ZNF566: variants seen among roughly 807,000 people sequenced by gnomAD.
ZNF566 encodes zinc finger protein 566.
ZNF566 carries 27 observed loss-of-function variants against 32.8 expected under a neutral mutation model. The ratio of observed to expected loss-of-function variants is 0.82; its 90% CI spans 0.61 to 1.14. The LOEUF is 1.14. Among genes scored for constraint, ZNF566 ranks in the 50% most tolerant of loss-of-function variants. The probability of loss-of-function intolerance (pLI) is 0.00; values close to 1 mark genes in which losing one functional copy is unlikely to be tolerated. For missense variants in ZNF566, 402 were observed against 490.4 expected, an observed-to-expected ratio of 0.82 and a Z score of 1.70; for synonymous variants, 154 against 159.5, an observed-to-expected ratio of 0.97 and a Z score of 0.26.
intron 4 of ZNF566, among the ~76,000 whole-genome samples, chr19:36,458,885 C>T (rs368425703): frequency 2.6e-5 from 4 of 152,254 alleles, no homozygotes; most frequent in South Asian, 2.1e-4. Flanking sequence ...AAAGTTTTCA[C>T]TCTTGTCGCC....
In ZNF566 at chr19:36,473,423, G is replaced by A. The variant is rs147273178; in HGVS notation, c.45C>T (p.Phe15=). 7.1e-5 allele frequency: 115 copies of A among 1,612,736 alleles called. No homozygotes were observed. Among genetic ancestry groups the A allele is most frequent in the Non-Finnish European group, 9.0e-5 (106 of 1,179,380 alleles). ...SVMFSDVSVD[F]SQEEWECLND... is the part of the protein sequence containing the mutation. ...TCAGGCATTCCCACTCCTCCTGAGA[G>A]AAGTCTACGGACACATCACTGAACA... is the stretch of plus-strand genomic sequence containing the variant. The change falls in exon 3 of 5, where the codon TTC becomes TTT. Residue 15 remains phenylalanine (F), a synonymous_variant. Transcript: ENST00000452939.
chr19:36,449,026 T>C lies in ZNF566; in HGVS notation c.1208A>G (p.Asn403Ser), dbSNP rs773999921. 15 of 1,606,220 alleles carry C rather than the reference T, an allele frequency of 9.3e-6. No homozygotes were observed. In the South Asian group the frequency reaches 1.6e-4, roughly 17 times the overall value. Residue 403 changes from asparagine to serine, a missense_variant, in exon 5 of 5, where the codon AAC becomes AGC. By Grantham distance (46) the Asn-to-Ser change is conservative. Coordinates refer to ENST00000452939, the MANE Select transcript of ZNF566 (RefSeq NM_001145344.1). Reference protein sequence around the residue: ...KPYEYRECGKNFNYDPQLIQH... With the variant: ...KPYEYRECGKSFNYDPQLIQH... ...AATAAGTTGTGGGTCATAATTAAAG[T>C]TCTTTCCACATTCCCTATATTCATA...
Position 36,460,239 on chromosome 19 carries a change from C to T in ZNF566, c.233-10238G>A, listed in dbSNP as rs143387302. 7.1e-3 allele frequency among the ~76,000 whole-genome samples: 1,075 copies of T among 152,002 alleles called. 13 individuals are homozygous for T. The highest frequency in any genetic ancestry group is 0.025 in the African/African-American group (1,018 of 41,436). On this transcript the variant is annotated intron_variant, in intron 4 of 4. Coordinates refer to ENST00000452939, the MANE Select transcript of ZNF566 (RefSeq NM_001145344.1). Reference sequence around the variant, plus strand: ...TTACATGGCAAAAGACAACAGACACCAAAATAAAGGTGACTCATGTTGGAA... The same window carrying T: ...TTACATGGCAAAAGACAACAGACACTAAAATAAAGGTGACTCATGTTGGAA...
At chr19:36,483,332 C>A (rs922377247) in intron 1 of ZNF566, among the ~76,000 whole-genome samples, 2 of 152,144 alleles carry the variant, frequency 1.3e-5, no homozygotes, top group Non-Finnish European at 2.9e-5. Context: ...TGACCAGAAC[C>A]AGAGCAAAGA....
chr19:36,475,131 G>C, intron 2 of ZNF566, among the ~76,000 whole-genome samples: 1 of 152,182 alleles, frequency 6.6e-6, no homozygotes, highest in Non-Finnish European at 1.5e-5. Flanking sequence ...CTGCAGCCAT[G>C]ACTTCCTGGG....
chr19:36,471,323 G>A (rs2145683133), intron 4 of ZNF566, among the ~76,000 whole-genome samples: 1 of 151,642 alleles, frequency 6.6e-6, no homozygotes, highest in East Asian at 2.0e-4. Flanking sequence ...CTGTATGGCA[G>A]ACAGTACATA....
intron 1 of ZNF566, among the ~76,000 whole-genome samples, chr19:36,485,448 T>TAAA (rs34950405): frequency 4.8e-5 from 5 of 104,482 alleles, no homozygotes; most frequent in African/African-American, 7.7e-5. Context: ...CCTTGTCTAT[T>TAAA]AAAAAAAAAA....
chr19:36,479,387 G>A (rs563860865), intron 1 of ZNF566, among the ~76,000 whole-genome samples: 1 of 152,114 alleles, frequency 6.6e-6, no homozygotes, highest in South Asian at 2.1e-4. Flanking sequence ...TAAACAACAT[G>A]GTCTCATATA....
rs1335491101 is a variant in ZNF566 at position 36,449,511 on chromosome 19, G to T, written c.723C>A (p.Asp241Glu). 1 of 1,614,042 alleles carries T rather than the reference G, an allele frequency of 6.2e-7. No individual in the cohort carries two copies. Among genetic ancestry groups the T allele is most frequent in the East Asian group, 2.2e-5 (1 of 44,860 alleles). The change falls in exon 5 of 5, where the codon GAC (aspartate) becomes GAA (glutamate). Residue 241 changes from aspartate to glutamate, a missense_variant. Around this residue, in one of 3 missense-constraint regions of ZNF566, gnomAD observed 135 missense variants for 210.0 expected, o/e 0.64. Coordinates refer to ENST00000452939, the MANE Select transcript of ZNF566 (RefSeq NM_001145344.1). ...ECGKTFICGS[D>E]LTRHHRIHTG... ...TGTGAATTCTGTGATGTCGAGTAAG[G>T]TCTGAGCCACAAATAAAGGTTTTTC... is the stretch of plus-strand genomic sequence containing the variant.
At position 36,449,033 on chromosome 19, in the gene ZNF566, C is replaced by T. The variant is rs777080138; in HGVS notation, c.1201G>A (p.Gly401Arg). ...TGTGGGTCATAATTAAAGTTCTTTC[C>T]ACATTCCCTATATTCATAGGGTTTC... Reference protein sequence around the residue: ...SEKPYEYRECGKNFNYDPQLI... With the variant: ...SEKPYEYRECRKNFNYDPQLI... The change falls in exon 5 of 5, where the codon GGA (glycine) becomes AGA (arginine). Residue 401 changes from glycine (G) to arginine (R), a missense_variant. Gly to Arg is a moderately radical substitution (Grantham distance 125). Transcript: ENST00000452939. The T allele has an allele frequency of 6.2e-7, 1 of 1,606,900 alleles. No homozygotes were observed. Among genetic ancestry groups the T allele is most frequent in the South Asian group, 1.1e-5 (1 of 89,406 alleles).
chr19:36,457,983 T>C (rs1187406011), intron 4 of ZNF566, among the ~76,000 whole-genome samples: 1 of 152,136 alleles, frequency 6.6e-6, no homozygotes, highest in Non-Finnish European at 1.5e-5. Context: ...GGAAAGGATG[T>C]GGCAAAAAGG....
At chr19:36,485,367 G>C (rs1840477925) in intron 1 of ZNF566, among the ~76,000 whole-genome samples, 1 of 150,664 alleles carries the variant, frequency 6.6e-6, no homozygotes, top group Non-Finnish European at 1.5e-5. Flanking sequence ...CTTGAGCCCT[G>C]GAGGTTGAGG....
At position 36,449,020 on chromosome 19, in the gene ZNF566, T is replaced by C; in HGVS notation, c.1214A>G (p.Asn405Ser). ...YEYRECGKNF[N>S]YDPQLIQHQN... is the part of the protein sequence containing the mutation. ...ATGCTGAATAAGTTGTGGGTCATAA[T>C]TAAAGTTCTTTCCACATTCCCTATA... Residue 405 changes from asparagine to serine, a missense_variant, in exon 5 of 5, where the codon AAT becomes AGT. Coordinates refer to ENST00000452939, the MANE Select transcript of ZNF566 (RefSeq NM_001145344.1). 6.2e-7 allele frequency: 1 copy of C among 1,605,334 alleles called. No individual in the cohort carries two copies. The highest frequency in any genetic ancestry group is 8.5e-7 in the Non-Finnish European group (1 of 1,177,220).
At chr19:36,452,533 G>A (rs1249400746) in intron 4 of ZNF566, among the ~76,000 whole-genome samples, 1 of 149,468 alleles carries the variant, frequency 6.7e-6, no homozygotes, top group East Asian at 2.0e-4. Context: ...AGGGAAGATA[G>A]TTTGAAATCA....
At chr19:36,480,799 G>A (rs981168720) in intron 1 of ZNF566, among the ~76,000 whole-genome samples, 1 of 151,210 alleles carries the variant, frequency 6.6e-6, no homozygotes, top group African/African-American at 2.4e-5. Flanking sequence ...GGAGGCCAAG[G>A]CCCACCAAGG....
chr19:36,449,025 G>A lies in ZNF566; in HGVS notation c.1209C>T (p.Asn403=), dbSNP rs967617371. 6.2e-7 allele frequency: 1 copy of A among 1,606,206 alleles called. No individual in the cohort carries two copies. Residue 403 remains asparagine (N), a synonymous_variant, in exon 5 of 5, where the codon AAC becomes AAT. Coordinates refer to ENST00000452939, the MANE Select transcript of ZNF566 (RefSeq NM_001145344.1). ...GAATAAGTTGTGGGTCATAATTAAAGTTCTTTCCACATTCCCTATATTCAT... is the reference window on the plus strand; with the variant it reads ...GAATAAGTTGTGGGTCATAATTAAAATTCTTTCCACATTCCCTATATTCAT... ...KPYEYRECGK[N]FNYDPQLIQH...
At chr19:36,451,684 G>A (rs2033161152) in intron 4 of ZNF566, among the ~76,000 whole-genome samples, 2 of 152,180 alleles carry the variant, frequency 1.3e-5, no homozygotes, top group African/African-American at 4.8e-5. Flanking sequence ...CAACTGTTGT[G>A]AGGATTGGGA....
rs1339130253 is a variant in ZNF566, at chr19:36,476,423, A to G, written c.9+126T>C. On this transcript the variant is annotated intron_variant, in intron 2 of 4. Coordinates refer to ENST00000452939, the MANE Select transcript of ZNF566 (RefSeq NM_001145344.1). ...TTACAGCAAAATTCTGACATTGCTC[A>G]TAACCAAACTTTTTGAAAGGTGTTG... The G allele has an allele frequency of 6.4e-6, 5 of 779,948 alleles. No individual in the cohort carries two copies. The East Asian group carries it at 1.1e-4, about 17-fold the overall frequency. 48.3% of individuals were successfully genotyped at this position (779,948 alleles called of 1,614,324 possible). A position where few individuals can be genotyped will look rare whatever the true frequency, so the allele number is the denominator to read the frequency against.
intron 2 of ZNF566, among the ~76,000 whole-genome samples, chr19:36,474,661 G>A (rs1043581145): frequency 2.0e-5 from 3 of 152,178 alleles, no homozygotes; most frequent in South Asian, 2.1e-4. Context: ...GTCTGGTAAC[G>A]GGACAAAACC....
Sources: allele counts gnomAD v4.1 joint callset (sites outside exome capture counted in the v4.1 genomes callset), GRCh38; gene constraint gnomAD v4.1.1; regional missense constraint gnomAD v4.1.1; transcripts MANE v1.5; gene names NCBI Gene and HGNC (gene_info 2026-07-23, HGNC 2026-07-21).